Variants in UQCC1 observed in about 807,000 individuals in gnomAD.
UQCC1 encodes the protein bFGF-repressed Zic-binding protein.
UQCC1 carries 38 observed loss-of-function variants against 48.0 expected under a neutral mutation model. The ratio of observed to expected loss-of-function variants is 0.79; its 90% confidence interval spans 0.61 to 1.04. The LOEUF is 1.04. UQCC1 is among the 50% of genes least tolerant of loss of function. The pLI is 0.00. For synonymous variants in UQCC1, 111 were observed against 129.2 expected, an observed-to-expected ratio of 0.86 and a Z score of 0.95; for missense variants, 368 against 381.8, an observed-to-expected ratio of 0.96 and a Z score of 0.30.
intron 5 of UQCC1, among the ~76,000 whole-genome samples, chr20:35,372,294 T>C (rs1438931146): frequency 2.6e-5 from 4 of 151,234 alleles, no homozygotes; most frequent in Non-Finnish European, 5.9e-5. Context: ...GGGTGACAGA[T>C]TGAGATTCTG....
chr20:35,335,410 C>T (rs1396086962), intron 7 of UQCC1, among the ~76,000 whole-genome samples: 2 of 152,004 alleles, frequency 1.3e-5, no homozygotes, highest in Admixed American at 6.6e-5. Context: ...ATCTACACAA[C>T]AGACTATCCC....
intron 6 of UQCC1, among the ~76,000 whole-genome samples, chr20:35,355,090 A>G (rs895036497): frequency 2.6e-5 from 4 of 152,182 alleles, no homozygotes; most frequent in African/African-American, 4.8e-5. Flanking sequence ...TGTGGAAGGA[A>G]ACAGGAGGAC....
At chr20:35,375,163 A>C (rs2061781938) in intron 4 of UQCC1, among the ~76,000 whole-genome samples, 1 of 152,156 alleles carries the variant, frequency 6.6e-6, no homozygotes, top group Non-Finnish European at 1.5e-5. Context: ...TAGACCAAAA[A>C]CAAATGTGTA....
chr20:35,371,090 T>C (rs2061724565), intron 5 of UQCC1, among the ~76,000 whole-genome samples: 1 of 152,232 alleles, frequency 6.6e-6, no homozygotes, highest in Admixed American at 6.5e-5. Flanking sequence ...AACAGTTATT[T>C]ATAAACTTTT....
At chr20:35,385,963 C>T (rs1019803835) in intron 2 of UQCC1, among the ~76,000 whole-genome samples, 16 of 151,730 alleles carry the variant, frequency 1.1e-4, no homozygotes, top group Non-Finnish European at 2.1e-4. Flanking sequence ...ACATCCCATA[C>T]CAGAGTGGTG....
intron 6 of UQCC1, among the ~76,000 whole-genome samples, chr20:35,366,140 G>A (rs913633065): frequency 2.6e-5 from 4 of 152,176 alleles, no homozygotes; most frequent in African/African-American, 9.7e-5. Flanking sequence ...TAGAGGTACA[G>A]GCGTAAATGT....
intron 2 of UQCC1, among the ~76,000 whole-genome samples, chr20:35,392,676 T>C (rs975231594): frequency 3.3e-5 from 5 of 152,122 alleles, no homozygotes; most frequent in African/African-American, 1.2e-4. Context: ...TCATTCAACA[T>C]ATACTTAGTG....
At chr20:35,351,391 CAAA>C (rs11478013) in intron 6 of UQCC1, among the ~76,000 whole-genome samples, 139 of 119,816 alleles carry the variant, frequency 1.2e-3, no homozygotes, top group East Asian at 3.9e-3. Context: ...GACTCCATCT[CAAA>C]AAAAAAAAAA....
intron 2 of UQCC1, among the ~76,000 whole-genome samples, chr20:35,387,922 C>T (rs1205537754): frequency 6.6e-6 from 1 of 151,902 alleles, no homozygotes; most frequent in Admixed American, 6.6e-5. Context: ...ATGTCTAGTA[C>T]CTACCTACAT....
chr20:35,398,412 T>A (rs1420207911), intron 1 of UQCC1, among the ~76,000 whole-genome samples: 2 of 152,202 alleles, frequency 1.3e-5, no homozygotes, highest in African/African-American at 4.8e-5. Context: ...TTAAGTTGAA[T>A]CTGAATCTCC....
At chr20:35,306,118 G>A (rs547034835) in intron 9 of UQCC1, among the ~76,000 whole-genome samples, 52 of 152,290 alleles carry the variant, frequency 3.4e-4, no homozygotes, top group Non-Finnish European at 6.6e-4. Flanking sequence ...GAGCTTTCTC[G>A]TAGAAGCTTT....
chr20:35,370,516 T>C (rs1192312893), intron 5 of UQCC1, among the ~76,000 whole-genome samples: 3 of 152,174 alleles, frequency 2.0e-5, no homozygotes, highest in African/African-American at 2.4e-5. Context: ...TGGTTTGATA[T>C]GAAAACTTAA....
chr20:35,372,135 C>A (rs1400701216), intron 5 of UQCC1, among the ~76,000 whole-genome samples: 2 of 151,724 alleles, frequency 1.3e-5, no homozygotes, highest in African/African-American at 4.8e-5. Context: ...TATGGTGAAA[C>A]CTCGTCTCTA....
intron 2 of UQCC1, among the ~76,000 whole-genome samples, chr20:35,390,294 G>A (rs760855653): frequency 2.6e-5 from 4 of 151,870 alleles, no homozygotes; most frequent in Non-Finnish European, 5.9e-5. Flanking sequence ...GCGTGGTGGT[G>A]AGCACCTGTA....
intron 7 of UQCC1, among the ~76,000 whole-genome samples, chr20:35,323,656 C>T (rs1490604637): frequency 6.6e-6 from 1 of 152,158 alleles, no homozygotes; most frequent in Non-Finnish European, 1.5e-5. Context: ...GGTCACAGGC[C>T]AGGGCGTTCA....
intron 6 of UQCC1, among the ~76,000 whole-genome samples, chr20:35,363,191 T>C (rs942020472): frequency 2.0e-5 from 3 of 151,960 alleles, no homozygotes; most frequent in Admixed American, 1.3e-4. Flanking sequence ...TCAAAAAAAT[T>C]TTGAGTTAGG....
At chr20:35,355,195 T>C (rs980802320) in intron 6 of UQCC1, among the ~76,000 whole-genome samples, 1 of 152,284 alleles carries the variant, frequency 6.6e-6, no homozygotes, top group Non-Finnish European at 1.5e-5. Flanking sequence ...TCATCACTGT[T>C]ATAACAAAGT....
intron 5 of UQCC1, 85 bp downstream of exon 5, chr20:35,374,098 TA>T: frequency 1.3e-5 from 14 of 1,058,174 alleles, no homozygotes; most frequent in Middle Eastern, 5.0e-4. Flanking sequence ...CACTAGGGAC[TA>T]AAAAAACCTA....
Position 35,411,066 on chromosome 20 carries a change from C to A in UQCC1, c.24+874G>T, listed in dbSNP as rs139471451. On this transcript the variant is annotated intron_variant, in intron 1 of 9. Transcript: ENST00000374385. ...AAGTTACCTAGACACAGGAATAGACCATGTCTACTATGAAAAACAGTGTCT... is the reference window on the plus strand; with the variant it reads ...AAGTTACCTAGACACAGGAATAGACAATGTCTACTATGAAAAACAGTGTCT... Among the ~76,000 whole-genome samples the A allele has an allele frequency of 3.7e-4, 57 of 152,142 alleles. 1 individual carries two copies. In the East Asian group the frequency reaches 9.6e-3, roughly 26 times the overall value.
Sources: gnomAD v4.1 joint callset for allele counts (sites outside exome capture counted in the v4.1 genomes callset) on GRCh38, gnomAD v4.1.1 for gene constraint, MANE v1.5 for transcripts, NCBI Gene and HGNC (gene_info 2026-07-23, HGNC 2026-07-21) for gene names.